The following GRIK1 variants were observed in gnomAD, a reference collection of about 807,000 sequenced individuals.
GRIK1 encodes the protein glutamate ionotropic receptor kainate type subunit 1.
GRIK1 carries 69 observed loss-of-function variants against 105.7 expected under a neutral mutation model. That is an observed-to-expected ratio of 0.65 (90% confidence interval 0.54 to 0.80). The LOEUF (loss-of-function observed/expected upper bound fraction) is 0.80, where lower values mean the gene tolerates loss of function less well. Among genes scored for constraint, GRIK1 ranks in the 30% least tolerant of loss-of-function variants. The pLI is 0.00. For missense variants in GRIK1, 1,109 were observed against 1,167.3 expected (o/e 0.95, Z 0.73); for synonymous variants, 438 against 431.3 (o/e 1.02, Z -0.19).
intron 15 of GRIK1, among the ~76,000 whole-genome samples, chr21:29,555,894 G>A (rs947664651): frequency 7.9e-5 from 12 of 152,118 alleles, no homozygotes; most frequent in African/African-American, 2.9e-4. Context: ...TTCTCAAGGA[G>A]GTAAACAAGC....
At chr21:29,836,885 A>G in intron 1 of GRIK1, among the ~76,000 whole-genome samples, 1 of 152,206 alleles carries the variant, frequency 6.6e-6, no homozygotes, top group East Asian at 1.9e-4. Flanking sequence ...GAAGCCACCT[A>G]CATTTTGTCT....
intron 14 of GRIK1, among the ~76,000 whole-genome samples, chr21:29,565,058 A>T (rs1359481249): frequency 6.6e-6 from 1 of 152,198 alleles, no homozygotes; most frequent in Non-Finnish European, 1.5e-5. Context: ...GTTGGCATGG[A>T]CACCTTTGAG....
chr21:29,698,897 C>T (rs905798906), intron 1 of GRIK1, among the ~76,000 whole-genome samples: 5 of 152,190 alleles, frequency 3.3e-5, no homozygotes, highest in African/African-American at 1.2e-4. Context: ...AATCATACTG[C>T]TTGTAAACAC....
At chr21:29,897,160 G>A (rs1451412161) in intron 1 of GRIK1, among the ~76,000 whole-genome samples, 1 of 152,154 alleles carries the variant, frequency 6.6e-6, no homozygotes, top group African/African-American at 2.4e-5. Context: ...GTGATTTGTA[G>A]CAAGTATGAA....
chr21:29,906,394 T>C (rs1218517255), intron 1 of GRIK1, among the ~76,000 whole-genome samples: 3 of 152,198 alleles, frequency 2.0e-5, no homozygotes, highest in Admixed American at 2.0e-4. Flanking sequence ...AACTTCAAGC[T>C]TCAGAAAAAT....
rs73898570 is a variant in GRIK1, at chr21:29,923,765, T to C, written c.118+15618A>G. Among the ~76,000 whole-genome samples, 461 of 152,322 alleles carry C rather than the reference T, an allele frequency of 3.0e-3. 3 individuals carry two copies. Among genetic ancestry groups the C allele is most frequent in the African/African-American group, 0.01 (432 of 41,556 alleles). On this transcript the variant is annotated intron_variant, in intron 1 of 17. Coordinates refer to ENST00000327783, the MANE Select transcript of GRIK1 (RefSeq NM_001330994.2). Reference sequence around the variant, plus strand: ...GACTGACAAACAACGTTTAGTTATTTCCCTTCAGCCTTATGTAATCAATAG... The same window carrying C: ...GACTGACAAACAACGTTTAGTTATTCCCCTTCAGCCTTATGTAATCAATAG...
At chr21:29,570,765 G>T (rs1421305521) in intron 14 of GRIK1, among the ~76,000 whole-genome samples, 3 of 151,388 alleles carry the variant, frequency 2.0e-5, no homozygotes, top group African/African-American at 7.3e-5. Context: ...TGAACTGTAA[G>T]TTCCAGAGTG....
intron 14 of GRIK1, 136 bp from the exon 15 acceptor site, chr21:29,561,985 T>C: frequency 1.6e-6 from 1 of 631,020 alleles, no homozygotes; most frequent in South Asian, 1.9e-5. Context: ...AGATTGATGA[T>C]CTCAAGGCTT....
chr21:29,874,114 C>G (rs2069112820), intron 1 of GRIK1, among the ~76,000 whole-genome samples: 1 of 152,178 alleles, frequency 6.6e-6, no homozygotes, highest in African/African-American at 2.4e-5. Flanking sequence ...GCTCACTCGC[C>G]TGCCACTCAC....
chr21:29,665,874 C>A (rs1031319656), intron 4 of GRIK1, among the ~76,000 whole-genome samples: 8 of 152,154 alleles, frequency 5.3e-5, no homozygotes, highest in Non-Finnish European at 8.8e-5. Context: ...TCATCTATGA[C>A]AAAGACTATT....
At chr21:29,749,016 G>A (rs2065114919) in intron 1 of GRIK1, 4 of 152,208 alleles carry the variant, frequency 2.6e-5, no homozygotes, top group Admixed American at 1.3e-4. Context: ...GTCCCTGGAA[G>A]CTACACAAAG....
At chr21:29,717,496 G>A (rs1407989981) in intron 1 of GRIK1, among the ~76,000 whole-genome samples, 4 of 152,232 alleles carry the variant, frequency 2.6e-5, no homozygotes, top group Non-Finnish European at 5.9e-5. Context: ...TGACCTAGAT[G>A]TGCAACAAGG....
At chr21:29,876,088 C>G (rs2069179931) in intron 1 of GRIK1, among the ~76,000 whole-genome samples, 1 of 148,504 alleles carries the variant, frequency 6.7e-6, no homozygotes, top group African/African-American at 2.5e-5. Context: ...TCTTATTACA[C>G]AATCCCAAGG....
At chr21:29,676,325 T>C (rs2063266276) in intron 3 of GRIK1, among the ~76,000 whole-genome samples, 1 of 152,176 alleles carries the variant, frequency 6.6e-6, no homozygotes, top group Admixed American at 6.5e-5. Flanking sequence ...GAGTGAGTTT[T>C]TTATTTCTCT....
intron 1 of GRIK1, among the ~76,000 whole-genome samples, chr21:29,843,705 T>C (rs977821890): frequency 4.6e-5 from 7 of 152,200 alleles, no homozygotes; most frequent in African/African-American, 1.7e-4. Context: ...CAGGAGAAGA[T>C]AGATGCATTT....
chr21:29,782,594 C>CAG (rs1483479392), intron 1 of GRIK1, among the ~76,000 whole-genome samples: 1 of 152,132 alleles, frequency 6.6e-6, no homozygotes. Flanking sequence ...CTGTTACAGG[C>CAG]AGAGAGACAG....
intron 16 of GRIK1, 112 bp from the exon 17 acceptor site, chr21:29,537,996 G>T: frequency 1.6e-6 from 1 of 626,248 alleles, no homozygotes; most frequent in Admixed American, 3.0e-5. Context: ...AAATAATGTG[G>T]TACTGAACTT....
chr21:29,728,793 G>T lies in GRIK1; in HGVS notation c.119-34730C>A, dbSNP rs184127877. 4.6e-4 allele frequency among the ~76,000 whole-genome samples: 70 copies of T among 152,226 alleles called. 1 individual carries two copies. Among genetic ancestry groups the T allele is most frequent in the African/African-American group, 1.6e-3 (68 of 41,538 alleles). Reference sequence around the variant, plus strand: ...ACAAGGGAAGATAAAACAATAAACAGAATAAATACATAAAATATGCATCTG... The same window carrying T: ...ACAAGGGAAGATAAAACAATAAACATAATAAATACATAAAATATGCATCTG... On this transcript the variant is annotated intron_variant, in intron 1 of 17. Coordinates refer to ENST00000327783, the MANE Select transcript of GRIK1 (RefSeq NM_001330994.2).
At chr21:29,743,797 A>G (rs568695824) in intron 1 of GRIK1, among the ~76,000 whole-genome samples, 4 of 152,358 alleles carry the variant, frequency 2.6e-5, no homozygotes, top group African/African-American at 9.6e-5. Context: ...GAAAATTAAT[A>G]TAATTACCTC....
Sources: gnomAD v4.1 joint callset for allele counts (sites outside exome capture counted in the v4.1 genomes callset) on GRCh38, gnomAD v4.1.1 for gene constraint, MANE v1.5 for transcripts, NCBI Gene and HGNC (gene_info 2026-07-23, HGNC 2026-07-21) for gene names.